Variants in ATXN3 observed in about 807,000 individuals in gnomAD.
ATXN3 encodes ataxin 3, also known as ataxin-3.
In ATXN3, 28 loss-of-function variants were observed where a neutral mutation model predicts 58.2. The ratio of observed to expected loss-of-function variants is 0.48; its 90% CI spans 0.36 to 0.66. The LOEUF (loss-of-function observed/expected upper bound fraction) is 0.66, where lower values mean the gene tolerates loss of function less well. Ranked by LOEUF, ATXN3 falls within the 30% of genes least tolerant of loss-of-function variation. The pLI is 0.00. For synonymous variants in ATXN3, 113 were observed against 138.5 expected, an observed-to-expected ratio of 0.82 and a Z score of 1.29; for missense variants, 321 against 422.1, an observed-to-expected ratio of 0.76 and a Z score of 2.10.
intron 5 of ATXN3, chr14:92,090,571 G>A (rs182833108): frequency 2.1e-4 from 32 of 152,140 alleles, no homozygotes; most frequent in Admixed American, 1.1e-3. Context: ...CAGGGACCTC[G>A]AGAGACAGAA....
At chr14:92,082,988 TA>T in intron 7 of ATXN3, 137 bp downstream of exon 7, 1 of 1,057,162 alleles carries the variant, frequency 9.5e-7, no homozygotes, top group Non-Finnish European at 1.4e-6. Context: ...AAGTTTAAAC[TA>T]ATAAACTTCA....
intron 9 of ATXN3, among the ~76,000 whole-genome samples, chr14:92,075,508 T>C (rs7152876): frequency 0.28 from 42,053 of 152,138 alleles, 6,106 homozygotes; most frequent in East Asian, 0.44. Context: ...GATTACTTTA[T>C]GCATTTATGC....
rs1168471188 is a variant in ATXN3, at chr14:92,106,561, G to T, written c.-9C>A. The T allele has an allele frequency of 6.2e-7, 1 of 1,612,810 alleles. No homozygotes were observed. The highest frequency in any genetic ancestry group is 8.5e-7 in the Non-Finnish European group (1 of 1,179,406). On this transcript the variant is annotated 5_prime_UTR_variant, in exon 1 of 11. Transcript: ENST00000644486. ...TGGAAGATGGACTCCATGTTTATTT[G>T]TCTGGAGCCAACGGCCCCCACGCCG...
intron 2 of ATXN3, among the ~76,000 whole-genome samples, chr14:92,045,798 G>A (rs998683671): frequency 2.6e-5 from 4 of 152,198 alleles, no homozygotes; most frequent in Admixed American, 1.3e-4. Flanking sequence ...TGCCTTGTGT[G>A]AGAAGAGATT....
chr14:92,100,192 T>C (rs528644988), intron 1 of ATXN3, among the ~76,000 whole-genome samples: 1 of 152,286 alleles, frequency 6.6e-6, no homozygotes, highest in African/African-American at 2.4e-5. Flanking sequence ...TAACCAATAA[T>C]AACTAATAAT....
chr14:92,064,622 T>A (rs1448771932), intron 10 of ATXN3, among the ~76,000 whole-genome samples: 3 of 152,108 alleles, frequency 2.0e-5, no homozygotes, highest in African/African-American at 7.2e-5. Flanking sequence ...CCCCAGAAAA[T>A]TCCCCCATGC....
At chr14:92,076,856 C>G (rs1474905051) in intron 9 of ATXN3, among the ~76,000 whole-genome samples, 1 of 147,306 alleles carries the variant, frequency 6.8e-6, no homozygotes, top group African/African-American at 2.5e-5. Context: ...AGAATAATCG[C>G]TTAAACTCAG....
At chr14:92,090,305 A>G (rs537336114) in intron 5 of ATXN3, 20 of 152,152 alleles carry the variant, frequency 1.3e-4, no homozygotes, top group African/African-American at 3.6e-4. Context: ...GGGGTCTTAC[A>G]CTATGTTGTA....
intron 1 of ATXN3, among the ~76,000 whole-genome samples, chr14:92,048,433 G>C (rs2057436647): frequency 1.3e-5 from 2 of 152,226 alleles, no homozygotes; most frequent in South Asian, 4.1e-4. Flanking sequence ...AGTGGGTTGG[G>C]TAATAAAATG....
At chr14:92,098,924 C>T (rs890657665) in intron 1 of ATXN3, among the ~76,000 whole-genome samples, 2 of 152,144 alleles carry the variant, frequency 1.3e-5, no homozygotes, top group African/African-American at 4.8e-5. Flanking sequence ...CAGTTTCTCA[C>T]ACAACTGGCA....
At chr14:92,088,583 C>T (rs2063099708) in intron 6 of ATXN3, 147 bp downstream of exon 6, 1 of 671,070 alleles carries the variant, frequency 1.5e-6, no homozygotes, top group Non-Finnish European at 2.6e-6. Context: ...ACAGCGTCAC[C>T]CAAATCACAG....
intron 1 of ATXN3, 108 bp downstream of exon 1, chr14:92,106,421 G>C: frequency 7.0e-6 from 10 of 1,434,758 alleles, no homozygotes; most frequent in South Asian, 2.3e-5. Context: ...GGGCGAGATC[G>C]GCATGGGGGC....
In ATXN3 at chr14:92,106,556, T is replaced by A. The variant is rs774939813; in HGVS notation, c.-4A>T. ...TCTCGTGGAAGATGGACTCCATGTT[T>A]ATTTGTCTGGAGCCAACGGCCCCCA... On this transcript the variant is annotated 5_prime_UTR_variant, in exon 1 of 11. Coordinates refer to ENST00000644486, the MANE Select transcript of ATXN3 (RefSeq NM_004993.6). 2 of 1,612,896 alleles carry A rather than the reference T, an allele frequency of 1.2e-6. No individual in the cohort carries two copies. Among genetic ancestry groups the A allele is most frequent in the South Asian group, 2.2e-5 (2 of 91,044 alleles).
upstream of ATXN3, among the ~76,000 whole-genome samples, chr14:92,052,493 G>GA (rs370788864): frequency 1.1e-3 from 157 of 141,602 alleles, no homozygotes; most frequent in Middle Eastern, 3.6e-3. Flanking sequence ...CCATCTCAAA[G>GA]AAAAAAAAAA....
Position 92,071,009 on chromosome 14 carries a change from C to CCCTGCTGCTGCT in ATXN3, c.905_916dup (p.Gln305_Gly306insGluGlnGlnGln). The CCCTGCTGCTGCT allele has an allele frequency of 1.2e-6, 1 of 845,180 alleles. No individual in the cohort carries two copies. The highest frequency in any genetic ancestry group is 1.6e-6 in the Non-Finnish European group (1 of 613,678). The allele number at this position is 845,180 out of a possible 1,614,324, so 52.4% of individuals were successfully genotyped here. A position where few individuals can be genotyped will look rare whatever the true frequency, so the allele number is the denominator to read the frequency against. ...ATGTGAACTCTGTCCTGATAGGTCCCCCTGCTGCTGCTGCTGCTGCTGCTG... is the reference window on the plus strand; with the variant it reads ...ATGTGAACTCTGTCCTGATAGGTCCCCCTGCTGCTGCTCCTGCTGCTGCTGCTGCTGCTGCTG... On this transcript the variant is annotated inframe_insertion, in exon 10 of 11. Transcript: ENST00000644486.
intron 2 of ATXN3, 49 bp downstream of exon 2, chr14:92,096,623 CAA>C (rs376966269): frequency 0.029 from 33,987 of 1,183,342 alleles, no homozygotes; most frequent in East Asian, 0.032. Context: ...GACTCCGTCT[CAA>C]AAAAAAAAAA....
At chr14:92,075,728 C>T (rs1352377405) in intron 9 of ATXN3, among the ~76,000 whole-genome samples, 1 of 152,136 alleles carries the variant, frequency 6.6e-6, no homozygotes, top group Non-Finnish European at 1.5e-5. Flanking sequence ...AGAGAGACAA[C>T]GAACTACCTA....
chr14:92,091,706 C>CT (rs5810572), intron 5 of ATXN3, among the ~76,000 whole-genome samples: 1 of 151,272 alleles, frequency 6.6e-6, no homozygotes, highest in East Asian at 1.9e-4. Flanking sequence ...TAATTTGAAA[C>CT]TTTTTTTTTG....
At position 92,063,532 on chromosome 14, in the gene ATXN3, A is replaced by G. The variant is rs936482592; in HGVS notation, c.*788T>C. The G allele has an allele frequency of 5.9e-5, 9 of 152,244 alleles. No individual in the cohort carries two copies. Among genetic ancestry groups the G allele is most frequent in the Admixed American group, 3.3e-4 (5 of 15,276 alleles). The allele number at this position is 152,244 out of a possible 1,614,324, so 9.4% of individuals were successfully genotyped here. A position where few individuals can be genotyped will look rare whatever the true frequency, so the allele number is the denominator to read the frequency against. On this transcript the variant is annotated 3_prime_UTR_variant, in exon 11 of 11. Coordinates refer to ENST00000644486, the MANE Select transcript of ATXN3 (RefSeq NM_004993.6). ...TGCAACAAAGCTGTAAGGTTTTGAT[A>G]TAAGTGAAAAGACATTCATAAAGCA...
Sources: allele counts gnomAD v4.1 joint callset (sites outside exome capture counted in the v4.1 genomes callset), GRCh38; gene constraint gnomAD v4.1.1; transcripts MANE v1.5; gene names NCBI Gene and HGNC (gene_info 2026-07-23, HGNC 2026-07-21).